Variants in DCC observed in about 807,000 individuals in gnomAD.
DCC encodes DCC netrin 1 receptor.
Under a neutral mutation model 172.5 loss-of-function variants are expected in DCC, and 58 were observed. The ratio of observed to expected loss-of-function variants is 0.34; its 90% CI spans 0.27 to 0.42. DCC has a LOEUF of 0.42. DCC is among the 10% of genes least tolerant of loss of function. The pLI, the probability that DCC is intolerant of heterozygous loss-of-function variation, is 1.00. For missense variants in DCC, 1,740 were observed against 1,791.0 expected (o/e 0.97, Z 0.51); for synonymous variants, 709 against 644.5 (o/e 1.10, Z -1.52).
intron 1 of DCC, among the ~76,000 whole-genome samples, chr18:52,742,803 G>T (rs569869950): frequency 6.6e-6 from 1 of 152,140 alleles, no homozygotes; most frequent in Non-Finnish European, 1.5e-5. Flanking sequence ...AAACCTAACC[G>T]AAAACAATCC....
chr18:52,991,316 G>A (rs1310816323), intron 5 of DCC, among the ~76,000 whole-genome samples: 11 of 152,036 alleles, frequency 7.2e-5, no homozygotes, highest in Non-Finnish European at 7.4e-5. Flanking sequence ...AAACTTTTTA[G>A]AAGTATAGAT....
chr18:53,288,631 C>G (rs1239220593), intron 12 of DCC, among the ~76,000 whole-genome samples: 1 of 152,086 alleles, frequency 6.6e-6, no homozygotes, highest in Non-Finnish European at 1.5e-5. Flanking sequence ...TAGCCAACTA[C>G]AGGTGCTGCT....
At position 52,425,407 on chromosome 18, in the gene DCC, T is replaced by A. The variant is rs190151137; in HGVS notation, c.91+84529T>A. On this transcript the variant is annotated intron_variant, in intron 1 of 28. Transcript: ENST00000442544. ...TGGTTCCCTACCTAAACCAGAGCCA[T>A]TGCTCAAATTGCAGAGTTTCAGTTG... Among the ~76,000 whole-genome samples, 281 of 152,220 alleles carry A rather than the reference T, an allele frequency of 1.8e-3. 6 individuals carry two copies. In the East Asian group the frequency reaches 0.045, roughly 24 times the overall value.
chr18:53,255,263 A>G (rs1192167320), intron 12 of DCC, among the ~76,000 whole-genome samples: 2 of 151,106 alleles, frequency 1.3e-5, no homozygotes, highest in Non-Finnish European at 3.0e-5. Flanking sequence ...TGTGCACAAC[A>G]TGCAGGTTTG....
At chr18:52,640,213 T>A (rs761897266) in intron 1 of DCC, among the ~76,000 whole-genome samples, 118 of 152,232 alleles carry the variant, frequency 7.8e-4, no homozygotes, top group Non-Finnish European at 1.4e-3. Context: ...CATATCTTAA[T>A]GTAATAAAAG....
chr18:52,536,317 C>G (rs1217489208), intron 1 of DCC, among the ~76,000 whole-genome samples: 1 of 152,004 alleles, frequency 6.6e-6, no homozygotes, highest in Non-Finnish European at 1.5e-5. Context: ...GGAGAAAAGA[C>G]AAAAATGGGA....
At chr18:53,113,669 T>A (rs2043368490) in intron 7 of DCC, among the ~76,000 whole-genome samples, 1 of 150,662 alleles carries the variant, frequency 6.6e-6, no homozygotes. Context: ...TAGATTACTT[T>A]CAGAATTATT....
At chr18:52,893,925 G>A (rs1005041234) in intron 2 of DCC, among the ~76,000 whole-genome samples, 1 of 151,984 alleles carries the variant, frequency 6.6e-6, no homozygotes, top group Non-Finnish European at 1.5e-5. Context: ...ACAGTATCAG[G>A]CTCTCTTATG....
rs530384957 is a variant in DCC at position 53,257,695 on chromosome 18, G to A, written c.1911+42098G>A. ...TCTTTTTTTTGTTGTGTCTCTGCCA[G>A]GCTTTGGTATCAGGATGATGCTGGC... On this transcript the variant is annotated intron_variant, in intron 12 of 28. Coordinates refer to ENST00000442544, the MANE Select transcript of DCC (RefSeq NM_005215.4). Among the ~76,000 whole-genome samples the A allele has an allele frequency of 7.9e-5, 12 of 152,236 alleles. No individual in the cohort carries two copies. The East Asian group carries it at 9.6e-4, about 12-fold the overall frequency.
At position 52,385,484 on chromosome 18, in the gene DCC, C is replaced by T. The variant is rs763839172; in HGVS notation, c.91+44606C>T. On this transcript the variant is annotated intron_variant, in intron 1 of 28. Transcript: ENST00000442544. ...CCTCCCAAAGTGCTGGGATTGCAGG[C>T]GTGAGCTACTGTGCCTGGCCTGAAA... is the stretch of plus-strand genomic sequence containing the variant. 5.3e-5 allele frequency among the ~76,000 whole-genome samples: 8 copies of T among 151,984 alleles called. 1 individual carries two copies. Among genetic ancestry groups the T allele is most frequent in the African/African-American group, 1.7e-4 (7 of 41,360 alleles).
chr18:53,496,568 ACTC>A (rs1314205251), intron 26 of DCC, among the ~76,000 whole-genome samples: 1 of 152,084 alleles, frequency 6.6e-6, no homozygotes. Flanking sequence ...AAGGATCACA[ACTC>A]CTCACCAGCA....
chr18:53,239,188 TATAATA>T (rs1314044360), intron 12 of DCC, among the ~76,000 whole-genome samples: 3 of 132,058 alleles, frequency 2.3e-5, no homozygotes. Context: ...GAACTTAAAA[TATAATA>T]ATAATAAAAA....
chr18:53,417,845 G>A (rs901439612), intron 21 of DCC, among the ~76,000 whole-genome samples: 6 of 152,012 alleles, frequency 3.9e-5, no homozygotes, highest in African/African-American at 1.2e-4. Context: ...TAACTGTTTT[G>A]CATAATATTA....
At chr18:52,656,009 TA>T (rs1568277605) in intron 1 of DCC, among the ~76,000 whole-genome samples, 1 of 110,394 alleles carries the variant, frequency 9.1e-6, no homozygotes, top group African/African-American at 3.2e-5. Flanking sequence ...TGCGTATATA[TA>T]TATGTGTGTA....
At chr18:53,085,215 T>C (rs2042860759) in intron 7 of DCC, among the ~76,000 whole-genome samples, 1 of 152,096 alleles carries the variant, frequency 6.6e-6, no homozygotes, top group African/African-American at 2.4e-5. Flanking sequence ...TTTGCAGGAA[T>C]TAATAAGTGA....
chr18:52,980,725 A>C (rs2041196266), intron 5 of DCC, among the ~76,000 whole-genome samples: 1 of 152,128 alleles, frequency 6.6e-6, no homozygotes, highest in Non-Finnish European at 1.5e-5. Flanking sequence ...CTGTCAATAA[A>C]AATGAGTCAT....
intron 2 of DCC, among the ~76,000 whole-genome samples, chr18:52,821,697 T>G (rs2038409626): frequency 6.6e-6 from 1 of 152,230 alleles, no homozygotes; most frequent in African/African-American, 2.4e-5. Context: ...ACTTCTTTAT[T>G]GGAATGCTGT....
chr18:52,348,128 T>C (rs1313282573), intron 1 of DCC, among the ~76,000 whole-genome samples: 1 of 152,216 alleles, frequency 6.6e-6, no homozygotes, highest in Non-Finnish European at 1.5e-5. Flanking sequence ...GTTAAGTATC[T>C]GAGTTTCATC....
chr18:53,260,127 A>T (rs2056576921), intron 12 of DCC, among the ~76,000 whole-genome samples: 1 of 151,400 alleles, frequency 6.6e-6, no homozygotes, highest in African/African-American at 2.4e-5. Flanking sequence ...AAGGTTTTTA[A>T]CTTCTTTGCC....
Sources: allele counts gnomAD v4.1 joint callset (sites outside exome capture counted in the v4.1 genomes callset), GRCh38; gene constraint gnomAD v4.1.1; transcripts MANE v1.5; gene names NCBI Gene and HGNC (gene_info 2026-07-23, HGNC 2026-07-21).